Variants in RBM26 observed in about 807,000 individuals in gnomAD.
The protein encoded by RBM26 is RNA-binding protein 26.
RBM26 carries 30 observed loss-of-function variants against 123.6 expected under a neutral mutation model. The ratio of observed to expected loss-of-function variants is 0.24; its 90% CI spans 0.18 to 0.33. RBM26 has a LOEUF of 0.33. Ranked by LOEUF, RBM26 falls within the 10% of genes least tolerant of loss-of-function variation. RBM26 has a pLI of 1.00. For missense variants in RBM26, 947 were observed against 1,203.6 expected, an observed-to-expected ratio of 0.79 and a Z score of 3.15; for synonymous variants, 400 against 404.4, an observed-to-expected ratio of 0.99 and a Z score of 0.13.
At chr13:79,386,362 C>G (rs2077477395) in intron 1 of RBM26, among the ~76,000 whole-genome samples, 1 of 150,980 alleles carries the variant, frequency 6.6e-6, no homozygotes, top group Non-Finnish European at 1.5e-5. Flanking sequence ...TCCAGGAATC[C>G]TGATATCACA....
At chr13:79,352,058 T>C (rs1483386956) in intron 14 of RBM26, among the ~76,000 whole-genome samples, 1 of 152,156 alleles carries the variant, frequency 6.6e-6, no homozygotes, top group African/African-American at 2.4e-5. Context: ...AATAATGAAT[T>C]CATTTTAGGC....
chr13:79,376,202 G>A (rs777277353), intron 3 of RBM26: 4 of 151,926 alleles, frequency 2.6e-5, no homozygotes, highest in Non-Finnish European at 4.4e-5. Flanking sequence ...ATTATAGTTT[G>A]TTTGTTTTTT....
chr13:79,400,095 T>G (rs1371457267), intron 1 of RBM26, among the ~76,000 whole-genome samples: 1 of 152,220 alleles, frequency 6.6e-6, no homozygotes, highest in Non-Finnish European at 1.5e-5. Context: ...TGTATGTATT[T>G]GTAAATCCTA....
In RBM26 at chr13:79,371,919, C is replaced by T. The variant is rs2075921070; in HGVS notation, c.339G>A (p.Glu113=). 1.9e-6 allele frequency: 3 copies of T among 1,604,482 alleles called. No individual in the cohort carries two copies. Among genetic ancestry groups the T allele is most frequent in the Non-Finnish European group, 2.6e-6 (3 of 1,173,332 alleles). ...KDIKKEEITK[E]EEREKKFSRR... ...TAGAAAACTTCTTCTCTCGCTCTTC[C>T]TCCTTAGTGATCTGATTAAAAAAAA... Residue 113 remains glutamate, a synonymous_variant, in exon 4 of 22, where the codon GAG becomes GAA. Coordinates refer to ENST00000438737, the MANE Select transcript of RBM26 (RefSeq NM_001366735.2).
intron 20 of RBM26, among the ~76,000 whole-genome samples, chr13:79,328,129 TAA>T (rs2068719161): frequency 6.6e-6 from 1 of 152,236 alleles, no homozygotes; most frequent in South Asian, 2.1e-4. Context: ...TTTTTGAAAC[TAA>T]GTTTATTCAA....
chr13:79,346,509 A>G (rs2139263634), intron 14 of RBM26, among the ~76,000 whole-genome samples: 1 of 152,030 alleles, frequency 6.6e-6, no homozygotes, highest in East Asian at 1.9e-4. Flanking sequence ...AGTAGCTGGG[A>G]CCTCAGCCGC....
chr13:79,368,960 A>G lies in RBM26; in HGVS notation c.665T>C (p.Leu222Pro). ...ATTTTCTAATGGATCTGTTCTATCC[A>G]GGTCATATTTAGGTTTTACCAGATC... ...ERDLVKPKYD[L>P]DRTDPLENNY... is the part of the protein sequence containing the mutation. Residue 222 changes from leucine (L) to proline (P), a missense_variant, in exon 6 of 22, where the codon CTG becomes CCG. Physicochemically the swap from Leu to Pro is moderately conservative, Grantham distance 98. Around this residue, in one of 5 missense-constraint regions of RBM26, gnomAD observed 275 missense variants for 361.0 expected, o/e 0.76. Transcript: ENST00000438737. The G allele has an allele frequency of 1.2e-6, 2 of 1,607,142 alleles. No individual in the cohort carries two copies.
At chr13:79,375,268 G>A (rs1453777905) in intron 3 of RBM26, among the ~76,000 whole-genome samples, 1 of 150,182 alleles carries the variant, frequency 6.7e-6, no homozygotes, top group African/African-American at 2.5e-5. Context: ...TGCCTCCCAG[G>A]TTCAAGCGAT....
intron 8 of RBM26, 161 bp downstream of exon 8, chr13:79,365,894 G>T: frequency 1.0e-6 from 1 of 963,106 alleles, no homozygotes; most frequent in Non-Finnish European, 1.5e-6. Flanking sequence ...ATGTTTTTTT[G>T]AAAACATTCA....
intron 1 of RBM26, among the ~76,000 whole-genome samples, chr13:79,392,963 T>C (rs996956951): frequency 6.6e-6 from 1 of 152,158 alleles, no homozygotes; most frequent in Non-Finnish European, 1.5e-5. Flanking sequence ...AAATCATCTT[T>C]TAGCAGTCAT....
At chr13:79,344,148 C>T (rs2071894966) in intron 16 of RBM26, 100 bp downstream of exon 16, 5 of 795,120 alleles carry the variant, frequency 6.3e-6, no homozygotes, top group South Asian at 5.7e-5. Flanking sequence ...TTTACCATTA[C>T]CAATTATAGT....
Position 79,374,550 on chromosome 13 carries a change from G to C in RBM26, c.328-2620C>G, listed in dbSNP as rs530704446. On this transcript the variant is annotated intron_variant, in intron 3 of 21. Transcript: ENST00000438737. ...AAATCAAATGGAAATCCTATTAACAGACCAAACTAGGAGAAATAATCTTTA... is the reference window on the plus strand; with the variant it reads ...AAATCAAATGGAAATCCTATTAACACACCAAACTAGGAGAAATAATCTTTA... Among the ~76,000 whole-genome samples the C allele has an allele frequency of 2.4e-4, 37 of 152,174 alleles. No individual in the cohort carries two copies. The South Asian group carries it at 6.6e-3, about 27-fold the overall frequency.
Position 79,319,971 on chromosome 13 carries a change from G to A in RBM26, c.*650C>T, listed in dbSNP as rs199967109. 2 of 156,046 alleles carry A rather than the reference G, an allele frequency of 1.3e-5. No individual in the cohort carries two copies. The highest frequency in any genetic ancestry group is 1.5e-5 in the Non-Finnish European group (2 of 137,668). The allele number at this position is 156,046 out of a possible 1,614,324, so 9.7% of individuals were successfully genotyped here. A position where few individuals can be genotyped will look rare whatever the true frequency, so the allele number is the denominator to read the frequency against. On this transcript the variant is annotated 3_prime_UTR_variant, in exon 22 of 22. Transcript: ENST00000438737. The stretch of plus-strand genomic sequence containing the variant: ...TGGCTTTTTTTTTTTTTTTTTTTTT[G>A]TCATTGCTTTTCTCTTTTCTTTCCT...
chr13:79,362,071 T>C (rs888677321), intron 9 of RBM26, among the ~76,000 whole-genome samples: 1 of 152,164 alleles, frequency 6.6e-6, no homozygotes, highest in Non-Finnish European at 1.5e-5. Context: ...AATCTGTATA[T>C]TCTAGTCAAC....
intron 1 of RBM26, among the ~76,000 whole-genome samples, chr13:79,401,904 T>C (rs1043565790): frequency 1.3e-5 from 2 of 152,124 alleles, no homozygotes; most frequent in Admixed American, 1.3e-4. Context: ...AGCACAACAC[T>C]AGGCATTTTG....
At chr13:79,347,144 C>T (rs930522756) in intron 14 of RBM26, among the ~76,000 whole-genome samples, 5 of 152,296 alleles carry the variant, frequency 3.3e-5, no homozygotes, top group African/African-American at 1.2e-4. Flanking sequence ...AAGTATCTGA[C>T]AATGATAAGA....
chr13:79,371,715 A>T (rs1235276179), intron 4 of RBM26, 127 bp downstream of exon 4: 4 of 655,176 alleles, frequency 6.1e-6, no homozygotes, highest in Non-Finnish European at 1.1e-5. Context: ...GGACCTAGTT[A>T]TATTTTCCTA....
At chr13:79,361,001 C>A (rs1374131604) in intron 9 of RBM26, among the ~76,000 whole-genome samples, 2 of 152,100 alleles carry the variant, frequency 1.3e-5, no homozygotes, top group African/African-American at 2.4e-5. Context: ...AGCACAATAT[C>A]TCTCATGGCC....
In RBM26 at chr13:79,354,575, G is replaced by A. The variant is rs763119734; in HGVS notation, c.1855-5C>T. 2 of 1,572,178 alleles carry A rather than the reference G, an allele frequency of 1.3e-6. No homozygotes were observed. The highest frequency in any genetic ancestry group is 1.4e-5 in the African/African-American group (1 of 73,592). ...CTGGACTAAAGGCTGCATTACCTCA[G>A]AACAAGGAAAAAATGTTAAACAAGT... On this transcript the variant is annotated splice_region_variant and splice_polypyrimidine_tract_variant and intron_variant, in intron 12 of 21. Coordinates refer to ENST00000438737, the MANE Select transcript of RBM26 (RefSeq NM_001366735.2).
Sources: gnomAD v4.1 joint callset for allele counts (sites outside exome capture counted in the v4.1 genomes callset) on GRCh38, gnomAD v4.1.1 for gene constraint, gnomAD v4.1.1 regional missense constraint, MANE v1.5 for transcripts, NCBI Gene and HGNC (gene_info 2026-07-23, HGNC 2026-07-21) for gene names.